The following IPO11 variants were observed in gnomAD, a reference collection of about 807,000 sequenced individuals.
The protein encoded by IPO11 is importin 11.
Under a neutral mutation model 143.2 loss-of-function variants are expected in IPO11, and 66 were observed. The ratio of observed to expected loss-of-function variants is 0.46; its 90% CI spans 0.38 to 0.57. The LOEUF is 0.57. Among genes scored for constraint, IPO11 ranks in the 20% least tolerant of loss-of-function variants. The pLI is 0.00. For synonymous variants in IPO11, 385 were observed against 377.8 expected, an observed-to-expected ratio of 1.02 and a Z score of -0.22; for missense variants, 1,026 against 1,141.0, an observed-to-expected ratio of 0.90 and a Z score of 1.45.
chr5:62,562,903 C>T (rs979991931), intron 27 of IPO11, among the ~76,000 whole-genome samples: 2 of 152,090 alleles, frequency 1.3e-5, no homozygotes, highest in South Asian at 2.1e-4. Flanking sequence ...TAAAACAGCC[C>T]GATGAGGTAT....
At chr5:62,442,650 A>G (rs247234) in intron 2 of IPO11, among the ~76,000 whole-genome samples, 105,228 of 152,000 alleles carry the variant, frequency 0.69, 36,799 homozygotes, top group African/African-American at 0.78. Context: ...CCTGAGGTCA[A>G]GAGGTCGAGA....
At chr5:62,574,263 T>C (rs1744239639) in intron 27 of IPO11, among the ~76,000 whole-genome samples, 1 of 152,208 alleles carries the variant, frequency 6.6e-6, no homozygotes, top group South Asian at 2.1e-4. Context: ...CTCATAGCCT[T>C]ATTAAATCAT....
At chr5:62,499,312 A>G (rs1741262579) in intron 16 of IPO11, among the ~76,000 whole-genome samples, 1 of 152,196 alleles carries the variant, frequency 6.6e-6, no homozygotes, top group African/African-American at 2.4e-5. Flanking sequence ...TTGTGTGTCT[A>G]AACAGAAAAG....
At chr5:62,517,555 A>G (rs1200048838) in intron 20 of IPO11, among the ~76,000 whole-genome samples, 2 of 152,066 alleles carry the variant, frequency 1.3e-5, no homozygotes, top group East Asian at 3.9e-4. Flanking sequence ...GGCATGCTCC[A>G]CCATGCCTGG....
At chr5:62,615,017 T>A (rs1422466778) in intron 29 of IPO11, among the ~76,000 whole-genome samples, 1 of 152,148 alleles carries the variant, frequency 6.6e-6, no homozygotes, top group African/African-American at 2.4e-5. Context: ...GTTCTGATGC[T>A]CCTCTTCTTC....
At chr5:62,579,910 G>GTGA (rs1561371448) in intron 27 of IPO11, 1 of 1,551,164 alleles carries the variant, frequency 6.4e-7, no homozygotes, top group Admixed American at 2.0e-5. Context: ...TCTAGTTTCA[G>GTGA]TTCAGTACTT....
At chr5:62,581,857 A>G (rs1744578832) in intron 27 of IPO11, among the ~76,000 whole-genome samples, 1 of 152,172 alleles carries the variant, frequency 6.6e-6, no homozygotes, top group African/African-American at 2.4e-5. Flanking sequence ...TGAGTATAAC[A>G]TTTGTGGAGG....
chr5:62,429,549 C>T (rs1249110561), intron 1 of IPO11, among the ~76,000 whole-genome samples: 5 of 150,108 alleles, frequency 3.3e-5, no homozygotes, highest in Middle Eastern at 3.5e-3. Context: ...TCCCGAGTAA[C>T]GAATTACAGG....
intron 26 of IPO11, among the ~76,000 whole-genome samples, chr5:62,559,916 CAAAAAAAAAAA>C (rs759468696): frequency 5.9e-5 from 1 of 17,028 alleles, no homozygotes; most frequent in Non-Finnish European, 9.0e-5. Flanking sequence ...AACTCTGTCT[CAAAAAAAAAAA>C]AAAAAAAAAA....
At chr5:62,563,063 G>A (rs1476267903) in intron 27 of IPO11, among the ~76,000 whole-genome samples, 1 of 152,186 alleles carries the variant, frequency 6.6e-6, no homozygotes, top group African/African-American at 2.4e-5. Flanking sequence ...ACCACCAGGT[G>A]ATATTGCTCC....
At chr5:62,508,819 T>C (rs1741652523) in intron 19 of IPO11, among the ~76,000 whole-genome samples, 3 of 152,250 alleles carry the variant, frequency 2.0e-5, no homozygotes, top group South Asian at 2.1e-4. Flanking sequence ...TGTGTTCTCA[T>C]TGTTCAACTC....
rs1206694167 is a variant in IPO11 at position 62,508,264 on chromosome 5, G to T, written c.1782+1907G>T. On this transcript the variant is annotated intron_variant, in intron 19 of 29. Transcript: ENST00000325324. Reference sequence around the variant, plus strand: ...CTTGTCCTCAGCCTCCTGAGTAGTAGCTTGGATTACAGGTGTGCCACCATG... The same window carrying T: ...CTTGTCCTCAGCCTCCTGAGTAGTATCTTGGATTACAGGTGTGCCACCATG... 2.0e-5 allele frequency among the ~76,000 whole-genome samples: 3 copies of T among 150,682 alleles called. No homozygotes were observed. The East Asian group carries it at 5.8e-4, about 29-fold the overall frequency.
At chr5:62,483,335 T>C (rs1746277771) in intron 10 of IPO11, 42 bp downstream of exon 10, 3 of 1,187,914 alleles carry the variant, frequency 2.5e-6, no homozygotes, top group African/African-American at 3.1e-5. Context: ...ATTTTAATCT[T>C]AAGTGTGATA....
chr5:62,432,042 C>T (rs1465783055), intron 1 of IPO11, among the ~76,000 whole-genome samples: 2 of 152,128 alleles, frequency 1.3e-5, no homozygotes, highest in East Asian at 3.8e-4. Context: ...TTCTTAAACC[C>T]CTTCACTCAG....
At chr5:62,461,437 G>A (rs997569178) in intron 5 of IPO11, among the ~76,000 whole-genome samples, 5 of 152,170 alleles carry the variant, frequency 3.3e-5, no homozygotes, top group Non-Finnish European at 7.4e-5. Flanking sequence ...GCAAAGAACA[G>A]ACATTTTGGA....
At chr5:62,563,466 C>T (rs571903324) in intron 27 of IPO11, among the ~76,000 whole-genome samples, 9 of 152,198 alleles carry the variant, frequency 5.9e-5, no homozygotes, top group South Asian at 2.1e-4. Flanking sequence ...TTTGCTTCAA[C>T]ATATAATATT....
chr5:62,551,312 G>A lies in IPO11; in HGVS notation c.2436G>A (p.Glu812=), dbSNP rs562976645. The A allele has an allele frequency of 6.9e-5, 110 of 1,594,354 alleles. 3 individuals are homozygous for A. In the South Asian group the frequency reaches 1.2e-3, roughly 17 times the overall value. ...GTTTTTTTTCTTCACTACTTAATGA[G>A]ATGGCCCATAAATTTAATCAGGAGG... ...NTSFFSSLLN[E]MAHKFNQEMD... The change falls in exon 26 of 30, where the codon GAG becomes GAA. Residue 812 remains glutamate (E), a synonymous_variant. Coordinates refer to ENST00000325324, the MANE Select transcript of IPO11 (RefSeq NM_016338.5).
chr5:62,535,456 A>G (rs3776638), intron 22 of IPO11, among the ~76,000 whole-genome samples: 88,437 of 151,858 alleles, frequency 0.58, 26,024 homozygotes, highest in South Asian at 0.69. Flanking sequence ...TGAATTTTTC[A>G]TAATGATAGC....
At chr5:62,571,626 C>T (rs1485255890) in intron 27 of IPO11, among the ~76,000 whole-genome samples, 1 of 151,598 alleles carries the variant, frequency 6.6e-6, no homozygotes, top group Non-Finnish European at 1.5e-5. Context: ...TTTGACAATA[C>T]ATTTTTCATA....
Sources: gnomAD v4.1 joint callset for allele counts (sites outside exome capture counted in the v4.1 genomes callset) on GRCh38, gnomAD v4.1.1 for gene constraint, MANE v1.5 for transcripts, NCBI Gene and HGNC (gene_info 2026-07-23, HGNC 2026-07-21) for gene names.